Variants in PARP8 observed in about 807,000 individuals in gnomAD.
PARP8 encodes poly(ADP-ribose) polymerase family member 8.
Under a neutral mutation model 124.1 loss-of-function variants are expected in PARP8, and 51 were observed. The observed-to-expected ratio is 0.41, with a 90% CI of 0.33 to 0.52. The LOEUF (loss-of-function observed/expected upper bound fraction) is 0.52, where lower values mean the gene tolerates loss of function less well. Among genes scored for constraint, PARP8 ranks in the 20% least tolerant of loss-of-function variants. The probability of loss-of-function intolerance (pLI) is 0.21; values close to 1 mark genes in which losing one functional copy is unlikely to be tolerated. For missense variants in PARP8, 860 were observed against 1,018.9 expected, an observed-to-expected ratio of 0.84 and a Z score of 2.12; for synonymous variants, 391 against 361.5, an observed-to-expected ratio of 1.08 and a Z score of -0.93.
chr5:50,781,497 C>G (rs1740672477), intron 9 of PARP8, among the ~76,000 whole-genome samples: 1 of 152,134 alleles, frequency 6.6e-6, no homozygotes, highest in African/African-American at 2.4e-5. Flanking sequence ...CACACTGACC[C>G]TACTTTAGAG....
upstream of PARP8, chr5:50,666,363 G>A (rs1430868622): frequency 1.3e-5 from 2 of 152,106 alleles, no homozygotes; most frequent in Non-Finnish European, 2.9e-5. Flanking sequence ...TTAGAAAGTG[G>A]AGTCGAATTC....
chr5:50,797,829 T>C (rs1213220693), intron 14 of PARP8, among the ~76,000 whole-genome samples: 2 of 152,350 alleles, frequency 1.3e-5, no homozygotes, highest in South Asian at 2.1e-4. Flanking sequence ...ATATAACTTA[T>C]AAGTCACTAC....
At chr5:50,816,787 T>G (rs1024695954) in intron 15 of PARP8, among the ~76,000 whole-genome samples, 1 of 152,150 alleles carries the variant, frequency 6.6e-6, no homozygotes, top group Non-Finnish European at 1.5e-5. Context: ...AGCCTATACT[T>G]AGAGGGTTAC....
chr5:50,825,674 A>T (rs1309275956), intron 18 of PARP8, among the ~76,000 whole-genome samples: 2 of 152,196 alleles, frequency 1.3e-5, no homozygotes, highest in African/African-American at 4.8e-5. Context: ...AGGGTTTTAT[A>T]CACATGTCTC....
chr5:50,770,175 A>G (rs1317784503), intron 7 of PARP8, among the ~76,000 whole-genome samples: 1 of 152,112 alleles, frequency 6.6e-6, no homozygotes, highest in African/African-American at 2.4e-5. Context: ...AGTTTACTTA[A>G]CTATTTCCTT....
At chr5:50,705,396 G>C (rs546722759) in intron 2 of PARP8, among the ~76,000 whole-genome samples, 2 of 152,142 alleles carry the variant, frequency 1.3e-5, no homozygotes, top group Non-Finnish European at 2.9e-5. Flanking sequence ...AAAAATAATA[G>C]TGTCTATATT....
intron 2 of PARP8, among the ~76,000 whole-genome samples, chr5:50,693,077 A>G (rs1251383322): frequency 3.3e-5 from 5 of 152,216 alleles, no homozygotes; most frequent in Non-Finnish European, 5.9e-5. Context: ...TTACCAAACT[A>G]AAATGCCAAA....
At chr5:50,839,666 T>TC (rs1554072254) in intron 25 of PARP8, among the ~76,000 whole-genome samples, 8 of 147,488 alleles carry the variant, frequency 5.4e-5, no homozygotes, top group African/African-American at 1.0e-4. Flanking sequence ...CTCTCTTTCT[T>TC]TCTCTCTCTC....
At chr5:50,703,011 G>A (rs1011404243) in intron 2 of PARP8, among the ~76,000 whole-genome samples, 1 of 152,048 alleles carries the variant, frequency 6.6e-6, no homozygotes, top group African/African-American at 2.4e-5. Context: ...AAGATAAAAA[G>A]TGTTATAGGC....
At chr5:50,832,729 A>G in intron 22 of PARP8, 52 bp from the exon 23 acceptor site, 1 of 1,566,620 alleles carries the variant, frequency 6.4e-7, no homozygotes, top group Non-Finnish European at 8.8e-7. Context: ...TTGTACTTTC[A>G]GCTGCATCAG....
intron 19 of PARP8, among the ~76,000 whole-genome samples, chr5:50,827,301 A>C (rs1206534839): frequency 1.3e-5 from 2 of 152,104 alleles, no homozygotes; most frequent in Non-Finnish European, 2.9e-5. Flanking sequence ...CATTTTTGCC[A>C]TCTGTGAATC....
intron 2 of PARP8, among the ~76,000 whole-genome samples, chr5:50,712,681 C>A (rs1754889206): frequency 2.0e-5 from 3 of 151,990 alleles, no homozygotes. Flanking sequence ...GATAAAGCAG[C>A]AAACATTATA....
intron 14 of PARP8, among the ~76,000 whole-genome samples, chr5:50,806,984 TAAATAAAA>T (rs1369828649): frequency 2.0e-5 from 3 of 152,070 alleles, no homozygotes; most frequent in Non-Finnish European, 4.4e-5. Flanking sequence ...TTAAACAGGT[TAAATAAAA>T]CTCAGGTTTC....
At chr5:50,750,334 A>C in intron 3 of PARP8, 146 bp downstream of exon 3, 2 of 655,392 alleles carry the variant, frequency 3.1e-6, no homozygotes, top group Non-Finnish European at 5.3e-6. Context: ...AATTCTGCTT[A>C]CTGCCTGCAA....
At chr5:50,791,976 C>T (rs1044099968) in intron 10 of PARP8, among the ~76,000 whole-genome samples, 7 of 152,128 alleles carry the variant, frequency 4.6e-5, no homozygotes, top group Admixed American at 6.6e-5. Context: ...ATACTGACTG[C>T]TCTAGTGCAT....
chr5:50,811,125 G>A (rs1164156303), intron 14 of PARP8, among the ~76,000 whole-genome samples: 1 of 151,824 alleles, frequency 6.6e-6, no homozygotes, highest in Non-Finnish European at 1.5e-5. Context: ...TATGGAAGAG[G>A]GTTACTTTTA....
intron 2 of PARP8, among the ~76,000 whole-genome samples, chr5:50,679,636 C>T (rs575907277): frequency 2.2e-4 from 34 of 152,146 alleles, no homozygotes; most frequent in Admixed American, 1.7e-3. Context: ...ATTTCAGTGG[C>T]GCATCCTGGT....
At chr5:50,669,060 T>C (rs1334761401) in intron 2 of PARP8, 2 of 152,228 alleles carry the variant, frequency 1.3e-5, no homozygotes, top group Admixed American at 6.5e-5. Context: ...AAGCTTGAAA[T>C]TGATGTGAAC....
intron 6 of PARP8, 32 bp from the exon 7 acceptor site, chr5:50,763,116 T>C: frequency 1.3e-6 from 2 of 1,543,012 alleles, no homozygotes; most frequent in African/African-American, 1.4e-5. Context: ...TGTTCACTTC[T>C]GAGACACTTT....
Sources: allele counts gnomAD v4.1 joint callset (sites outside exome capture counted in the v4.1 genomes callset), GRCh38; gene constraint gnomAD v4.1.1; transcripts MANE v1.5; gene names NCBI Gene and HGNC (gene_info 2026-07-23, HGNC 2026-07-21).